The following GPC6 variants were observed in gnomAD, a reference collection of about 807,000 sequenced individuals.
The protein encoded by GPC6 is glypican-6.
GPC6 carries 14 observed loss-of-function variants against 55.2 expected under a neutral mutation model. The ratio of observed to expected loss-of-function variants is 0.25; its 90% CI spans 0.17 to 0.40. The LOEUF (loss-of-function observed/expected upper bound fraction) is 0.40, where lower values mean the gene tolerates loss of function less well. GPC6 is among the 10% of genes least tolerant of loss of function. The pLI is 1.00. For synonymous variants in GPC6, 278 were observed against 259.6 expected (o/e 1.07, Z -0.68); for missense variants, 641 against 708.5 (o/e 0.90, Z 1.08).
chr13:93,231,422 T>TATAC (rs1271799609), intron 1 of GPC6, among the ~76,000 whole-genome samples: 28 of 49,974 alleles, frequency 5.6e-4, no homozygotes, highest in African/African-American at 8.0e-4. Context: ...TATATATATA[T>TATAC]ACGTATATAT....
chr13:93,832,224 G>T (rs771079935), intron 3 of GPC6, among the ~76,000 whole-genome samples: 7 of 139,518 alleles, frequency 5.0e-5, no homozygotes, highest in Non-Finnish European at 1.1e-4. Flanking sequence ...TAAGGAATTA[G>T]CTAGGTAGAA....
At chr13:93,978,590 T>C (rs1241852727) in intron 3 of GPC6, among the ~76,000 whole-genome samples, 1 of 152,174 alleles carries the variant, frequency 6.6e-6, no homozygotes, top group Non-Finnish European at 1.5e-5. Flanking sequence ...TATACACATA[T>C]ATACATACAT....
chr13:93,833,157 G>GAT (rs1887594468), intron 3 of GPC6, among the ~76,000 whole-genome samples: 1 of 103,948 alleles, frequency 9.6e-6, no homozygotes, highest in Non-Finnish European at 2.0e-5. Context: ...GAGAGAGAGA[G>GAT]ATGGTATATA....
intron 2 of GPC6, among the ~76,000 whole-genome samples, chr13:93,649,933 C>T (rs939428333): frequency 1.4e-4 from 22 of 152,130 alleles, no homozygotes; most frequent in African/African-American, 4.1e-4. Flanking sequence ...GGTGAATAGA[C>T]GCCCATATTT....
At chr13:93,898,988 C>T (rs1237427018) in intron 3 of GPC6, among the ~76,000 whole-genome samples, 3 of 142,292 alleles carry the variant, frequency 2.1e-5, no homozygotes, top group African/African-American at 5.1e-5. Context: ...TATATACATA[C>T]ATCCCAGATA....
chr13:94,066,329 GAAT>G (rs1341386679), intron 4 of GPC6, among the ~76,000 whole-genome samples: 12 of 152,006 alleles, frequency 7.9e-5, no homozygotes, highest in African/African-American at 2.9e-4. Context: ...TTACTAGAAA[GAAT>G]AATGTCAGAA....
intron 2 of GPC6, among the ~76,000 whole-genome samples, chr13:93,750,679 T>G (rs966996884): frequency 1.3e-5 from 2 of 152,198 alleles, no homozygotes; most frequent in Admixed American, 1.3e-4. Context: ...ATAATTGTGA[T>G]CAGAACTAGA....
At chr13:93,619,386 C>G (rs1056324617) in intron 2 of GPC6, among the ~76,000 whole-genome samples, 3 of 152,132 alleles carry the variant, frequency 2.0e-5, no homozygotes, top group Non-Finnish European at 4.4e-5. Flanking sequence ...CAGCTGTAAA[C>G]CTGAATGCTC....
chr13:94,157,476 G>C (rs1209305172), intron 4 of GPC6, among the ~76,000 whole-genome samples: 7 of 152,140 alleles, frequency 4.6e-5, no homozygotes, highest in African/African-American at 1.7e-4. Context: ...ATAGCCGTGG[G>C]AGGAGACTCT....
chr13:94,137,203 T>A (rs187570690), intron 4 of GPC6, among the ~76,000 whole-genome samples: 1 of 152,302 alleles, frequency 6.6e-6, no homozygotes, highest in African/African-American at 2.4e-5. Flanking sequence ...TATCCAGCAA[T>A]TGAATACATG....
Position 93,320,682 on chromosome 13 carries a change from A to G in GPC6, c.160+93066A>G, listed in dbSNP as rs149384786. 5.1e-3 allele frequency among the ~76,000 whole-genome samples: 768 copies of G among 152,038 alleles called. 8 individuals are homozygous for G. Among genetic ancestry groups the G allele is most frequent in the African/African-American group, 0.017 (721 of 41,516 alleles). Reference sequence around the variant, plus strand: ...ACTCTATTATGATATTCTTTTGATGATATGATGGATTCACTTTGGGGCTAT... The same window carrying G: ...ACTCTATTATGATATTCTTTTGATGGTATGATGGATTCACTTTGGGGCTAT... On this transcript the variant is annotated intron_variant, in intron 1 of 8. Transcript: ENST00000377047.
intron 2 of GPC6, among the ~76,000 whole-genome samples, chr13:93,667,950 A>G (rs991572311): frequency 6.6e-6 from 1 of 152,104 alleles, no homozygotes; most frequent in African/African-American, 2.4e-5. Context: ...GCTTTTCAAA[A>G]TCTTGTCATT....
At chr13:93,502,879 T>C (rs918480566) in intron 1 of GPC6, among the ~76,000 whole-genome samples, 8 of 152,132 alleles carry the variant, frequency 5.3e-5, no homozygotes, top group African/African-American at 1.9e-4. Context: ...TATTATATAA[T>C]ATTTCTACCA....
intron 1 of GPC6, among the ~76,000 whole-genome samples, chr13:93,265,859 C>T (rs1877305644): frequency 6.6e-6 from 1 of 151,252 alleles, no homozygotes; most frequent in Admixed American, 6.6e-5. Context: ...GCCTTGCCTC[C>T]TTATGCGCAA....
intron 3 of GPC6, among the ~76,000 whole-genome samples, chr13:93,845,727 G>T (rs1484674534): frequency 6.7e-6 from 1 of 148,294 alleles, no homozygotes; most frequent in South Asian, 2.2e-4. Flanking sequence ...GTAAACTATC[G>T]CAAGAACAAA....
chr13:93,426,376 T>A (rs1194088023), intron 1 of GPC6, among the ~76,000 whole-genome samples: 1 of 146,804 alleles, frequency 6.8e-6, no homozygotes, highest in Non-Finnish European at 1.5e-5. Flanking sequence ...CCTAAAGCTA[T>A]CCCTTCCCCC....
At chr13:93,492,765 A>C (rs542472416) in intron 1 of GPC6, among the ~76,000 whole-genome samples, 193 of 150,886 alleles carry the variant, frequency 1.3e-3, no homozygotes, top group African/African-American at 4.3e-3. Context: ...CTTTTTCTGC[A>C]TCTATTGAGA....
intron 2 of GPC6, among the ~76,000 whole-genome samples, chr13:93,822,853 A>ATTATT (rs1555334000): frequency 1.4e-5 from 2 of 146,796 alleles, no homozygotes; most frequent in African/African-American, 5.1e-5. Context: ...TATTATTATT[A>ATTATT]TTTTATTATT....
intron 1 of GPC6, among the ~76,000 whole-genome samples, chr13:93,452,179 A>C (rs1252913990): frequency 6.6e-6 from 1 of 152,184 alleles, no homozygotes; most frequent in Non-Finnish European, 1.5e-5. Context: ...CTTTTAGAAA[A>C]AAATAACTTT....
Sources: gnomAD v4.1 joint callset for allele counts (sites outside exome capture counted in the v4.1 genomes callset) on GRCh38, gnomAD v4.1.1 for gene constraint, MANE v1.5 for transcripts, NCBI Gene and HGNC (gene_info 2026-07-23, HGNC 2026-07-21) for gene names.